PHC3: variants seen among roughly 807,000 people sequenced by gnomAD.
PHC3 encodes the protein polyhomeotic homolog 3.
PHC3 carries 13 observed loss-of-function variants against 107.4 expected under a neutral mutation model. That is an observed-to-expected ratio of 0.12 (90% CI 0.08 to 0.19). The LOEUF is 0.19. Among genes scored for constraint, PHC3 ranks in the 10% least tolerant of loss-of-function variants. The pLI is 1.00. For synonymous variants in PHC3, 456 were observed against 427.4 expected (o/e 1.07, Z -0.83); for missense variants, 992 against 1,210.9 (o/e 0.82, Z 2.68).
At chr3:170,173,874 A>G (rs969128062) in intron 2 of PHC3, among the ~76,000 whole-genome samples, 1 of 152,202 alleles carries the variant, frequency 6.6e-6, no homozygotes, top group Non-Finnish European at 1.5e-5. Context: ...TCTTACAATG[A>G]GCAGGTATTA....
At position 170,091,795 on chromosome 3, in the gene PHC3, C is replaced by T. The variant is rs1216726347; in HGVS notation, c.*5435G>A. 2.6e-5 allele frequency: 4 copies of T among 151,658 alleles called. No individual in the cohort carries two copies. The highest frequency in any genetic ancestry group is 5.9e-5 in the Non-Finnish European group (4 of 67,766). The allele number at this position is 151,658 out of a possible 1,614,324, so 9.4% of individuals were successfully genotyped here. On this transcript the variant is annotated 3_prime_UTR_variant, in exon 15 of 15. Transcript: ENST00000495893. Reference sequence around the variant, plus strand: ...TACAACTTTCAAAAAAAAGCTTTCTCATAGTACAATTTTAAAACGGATTAG... The same window carrying T: ...TACAACTTTCAAAAAAAAGCTTTCTTATAGTACAATTTTAAAACGGATTAG...
At position 170,145,408 on chromosome 3, in the gene PHC3, G is replaced by C; in HGVS notation, c.672+15C>G. On this transcript the variant is annotated intron_variant, in intron 6 of 14. Transcript: ENST00000495893. ...CAGATCTCAAGTAACACATTATGAA[G>C]CTAGACAAGCTCACCTGAGTAGCTG... The C allele has an allele frequency of 6.2e-7, 1 of 1,602,398 alleles. No individual in the cohort carries two copies.
chr3:170,126,528 A>ATATATATAT lies in PHC3; in HGVS notation c.1788+2155_1788+2156insATATATATA, dbSNP rs370421296. Among the ~76,000 whole-genome samples, 30 of 90,610 alleles carry ATATATATAT rather than the reference A, an allele frequency of 3.3e-4. 1 individual carries two copies. Among genetic ancestry groups the ATATATATAT allele is most frequent in the African/African-American group, 1.3e-3 (30 of 22,330 alleles). 59.4% of individuals were successfully genotyped at this position (90,610 alleles called of 152,430 possible). A position where few individuals can be genotyped will look rare whatever the true frequency, so the allele number is the denominator to read the frequency against. On this transcript the variant is annotated intron_variant, in intron 8 of 14. Transcript: ENST00000495893. ...TGTATATATATATATATATATATAT[A>ATATATATAT]TTTTTTTTTTTTTTTCCTTTTTCTT...
chr3:170,097,450 G>A lies in PHC3; in HGVS notation c.2834-66C>T. 1 of 1,491,404 alleles carries A rather than the reference G, an allele frequency of 6.7e-7. No homozygotes were observed. The highest frequency in any genetic ancestry group is 1.8e-5 in the Admixed American group (1 of 54,594). The allele number at this position is 1,491,404 out of a possible 1,614,324, so 92.4% of individuals were successfully genotyped here. On this transcript the variant is annotated intron_variant, in intron 14 of 14. Coordinates refer to ENST00000495893, the MANE Select transcript of PHC3 (RefSeq NM_024947.4). The surrounding 1 kb of genome is among the most constrained non-coding windows in gnomAD (Gnocchi z 4.1). The stretch of plus-strand genomic sequence containing the variant: ...CAACAATTAGACATTACTCCTAACA[G>A]TCACAGTTATGCTCTCACTGGGTCT...
At chr3:170,152,658 ACTTTT>A (rs950656362) in intron 4 of PHC3, among the ~76,000 whole-genome samples, 8 of 148,812 alleles carry the variant, frequency 5.4e-5, no homozygotes, top group African/African-American at 2.0e-4. Flanking sequence ...TGTCTTTGAC[ACTTTT>A]CTTCTTTTTT....
At chr3:170,126,018 T>C in intron 8 of PHC3, 4 of 958,538 alleles carry the variant, frequency 4.2e-6, no homozygotes, top group Non-Finnish European at 5.0e-6. Context: ...CTGAGGAATA[T>C]TTGTTTATTA....
At chr3:170,133,467 G>A (rs532726622) in intron 7 of PHC3, among the ~76,000 whole-genome samples, 2 of 152,170 alleles carry the variant, frequency 1.3e-5, no homozygotes, top group South Asian at 4.1e-4. Context: ...GTGAGCCACC[G>A]TGCCAGGCCA....
At chr3:170,172,349 G>A (rs1288482842) in intron 3 of PHC3, among the ~76,000 whole-genome samples, 1 of 151,498 alleles carries the variant, frequency 6.6e-6, no homozygotes, top group Non-Finnish European at 1.5e-5. Flanking sequence ...AAAGCACTGA[G>A]ACAAAAGCTA....
intron 10 of PHC3, among the ~76,000 whole-genome samples, chr3:170,114,552 A>G (rs1034191572): frequency 2.6e-5 from 4 of 152,242 alleles, no homozygotes. Context: ...ATCCTAGTTT[A>G]GCAAACTAAT....
intron 2 of PHC3, 81 bp from the exon 3 acceptor site, chr3:170,172,793 G>A (rs1729813834): frequency 6.8e-7 from 1 of 1,480,258 alleles, no homozygotes; most frequent in Non-Finnish European, 9.1e-7. Flanking sequence ...TAAAAAAGTG[G>A]CAGTTTAAAA....
chr3:170,135,100 A>C (rs1206858613), intron 7 of PHC3, among the ~76,000 whole-genome samples: 1 of 152,234 alleles, frequency 6.6e-6, no homozygotes, highest in Non-Finnish European at 1.5e-5. Context: ...GACAGAAAAA[A>C]GATGCTTACC....
rs955318809 is a variant in PHC3, at chr3:170,095,339, A to G, written c.*1891T>C. 2.0e-5 allele frequency: 3 copies of G among 152,146 alleles called. No individual in the cohort carries two copies. Among genetic ancestry groups the G allele is most frequent in the African/African-American group, 7.2e-5 (3 of 41,436 alleles). The allele number at this position is 152,146 out of a possible 1,614,324, so 9.4% of individuals were successfully genotyped here. On this transcript the variant is annotated 3_prime_UTR_variant, in exon 15 of 15. Transcript: ENST00000495893. Reference sequence around the variant, plus strand: ...GCCTTATATTATATTACATATTCTAATCCTACATGTAACTATCAGTAAACA... The same window carrying G: ...GCCTTATATTATATTACATATTCTAGTCCTACATGTAACTATCAGTAAACA...
chr3:170,179,016 TAATC>T, intron 1 of PHC3, 78 bp from the exon 2 acceptor site: 1 of 1,318,308 alleles, frequency 7.6e-7, no homozygotes, highest in Non-Finnish European at 1.1e-6. Flanking sequence ...TCCAAAGAAA[TAATC>T]AGCAGTAATC....
intron 7 of PHC3, among the ~76,000 whole-genome samples, chr3:170,135,446 C>T (rs766942461): frequency 6.9e-5 from 10 of 144,260 alleles, no homozygotes; most frequent in Non-Finnish European, 1.5e-4. Context: ...CCACTGCACC[C>T]GCCCAGATTT....
intron 1 of PHC3, 84 bp from the exon 2 acceptor site, chr3:170,179,022 G>T: frequency 7.6e-7 from 1 of 1,324,428 alleles, no homozygotes; most frequent in Non-Finnish European, 1.1e-6. Context: ...GAAATAATCA[G>T]CAGTAATCTA....
Position 170,151,110 on chromosome 3 carries a change from C to T in PHC3, c.415-1866G>A, listed in dbSNP as rs201363095. On this transcript the variant is annotated intron_variant, in intron 4 of 14. Coordinates refer to ENST00000495893, the MANE Select transcript of PHC3 (RefSeq NM_024947.4). ...CCTGTAATCCCAGCTACTCAGAAGG[C>T]TGAGGCAGGAGAATCGCTTGAACCC... Among the ~76,000 whole-genome samples, 18 of 152,120 alleles carry T rather than the reference C, an allele frequency of 1.2e-4. No homozygotes were observed. The East Asian group carries it at 3.3e-3, about 28-fold the overall frequency.
chr3:170,137,643 T>C (rs745523955), intron 6 of PHC3, among the ~76,000 whole-genome samples: 9 of 152,062 alleles, frequency 5.9e-5, no homozygotes, highest in Non-Finnish European at 1.3e-4. Context: ...AGCTATACCT[T>C]CTCCCAGCAC....
chr3:170,159,588 A>G (rs1420690513), intron 4 of PHC3, among the ~76,000 whole-genome samples: 2 of 152,246 alleles, frequency 1.3e-5, no homozygotes, highest in Admixed American at 1.3e-4. Context: ...AGTTTCACAT[A>G]TATGATCATT....
chr3:170,177,114 G>A (rs978965099), intron 2 of PHC3, among the ~76,000 whole-genome samples: 8 of 152,060 alleles, frequency 5.3e-5, no homozygotes, highest in African/African-American at 1.9e-4. Context: ...TATTTAGAAT[G>A]GATCCTCCTG....
Sources: gnomAD v4.1 joint callset for allele counts (sites outside exome capture counted in the v4.1 genomes callset) on GRCh38, gnomAD v4.1.1 for gene constraint, Gnocchi (gnomAD v3.1) non-coding constraint, MANE v1.5 for transcripts, NCBI Gene and HGNC (gene_info 2026-07-23, HGNC 2026-07-21) for gene names.